The following TBC1D5 variants were observed in gnomAD, a reference collection of about 807,000 sequenced individuals.
The protein encoded by TBC1D5 is TBC1 domain family member 5.
Under a neutral mutation model 100.3 loss-of-function variants are expected in TBC1D5, and 75 were observed. That is an observed-to-expected ratio of 0.75 (90% CI 0.62 to 0.91). TBC1D5 has a LOEUF of 0.91. Among genes scored for constraint, TBC1D5 ranks in the 40% least tolerant of loss-of-function variants. The probability of loss-of-function intolerance (pLI) is 0.00; values close to 1 mark genes in which losing one functional copy is unlikely to be tolerated. For missense variants in TBC1D5, 910 were observed against 942.4 expected, an observed-to-expected ratio of 0.97 and a Z score of 0.45; for synonymous variants, 323 against 325.6, an observed-to-expected ratio of 0.99 and a Z score of 0.09.
intron 15 of TBC1D5, among the ~76,000 whole-genome samples, chr3:17,267,463 C>G (rs2078970460): frequency 6.6e-6 from 1 of 151,812 alleles, no homozygotes; most frequent in Non-Finnish European, 1.5e-5. Context: ...AAGAGCGGTT[C>G]CCAATCTTTG....
rs190754859 is a variant in TBC1D5 at position 17,592,346 on chromosome 3, G to A, written c.-36+31503C>T. ...TAGCAAACACACTGGACTTATTGGT[G>A]AGACATTTGCGTGTCAGAGGATGGG... On this transcript the variant is annotated intron_variant, in intron 2 of 21. Transcript: ENST00000253692. Among the ~76,000 whole-genome samples, 420 of 152,318 alleles carry A rather than the reference G, an allele frequency of 2.8e-3. 5 individuals are homozygous for A. Among genetic ancestry groups the A allele is most frequent in the East Asian group, 6.2e-3 (32 of 5,186 alleles).
chr3:17,496,866 C>G (rs2150698102), intron 3 of TBC1D5, among the ~76,000 whole-genome samples: 1 of 152,214 alleles, frequency 6.6e-6, no homozygotes, highest in East Asian at 1.9e-4. Context: ...AATTCTGAGT[C>G]TTTAGATATA....
intron 2 of TBC1D5, among the ~76,000 whole-genome samples, chr3:17,539,125 G>T (rs1250080533): frequency 6.6e-6 from 1 of 152,160 alleles, no homozygotes; most frequent in African/African-American, 2.4e-5. Flanking sequence ...GGCAGAGGCT[G>T]CAATAAGCCA....
Position 17,702,643 on chromosome 3 carries a change from A to G in TBC1D5, c.-101+36700T>C, listed in dbSNP as rs144615950. Among the ~76,000 whole-genome samples, 206 of 152,102 alleles carry G rather than the reference A, an allele frequency of 1.4e-3. 1 individual carries two copies. The highest frequency in any genetic ancestry group is 4.8e-3 in the African/African-American group (199 of 41,370). On this transcript the variant is annotated intron_variant, in intron 1 of 21. Transcript: ENST00000253692. Reference sequence around the variant, plus strand: ...ATCATTAGGCATACATAGTAGATAAACTAAACGAAATGATGCATTAACTTA... The same window carrying G: ...ATCATTAGGCATACATAGTAGATAAGCTAAACGAAATGATGCATTAACTTA...
At chr3:17,248,023 G>A (rs910993073) in intron 16 of TBC1D5, among the ~76,000 whole-genome samples, 13 of 144,658 alleles carry the variant, frequency 9.0e-5, no homozygotes, top group Non-Finnish European at 1.9e-4. Context: ...ACAGAGTCTC[G>A]CTCTGTCACC....
intron 3 of TBC1D5, among the ~76,000 whole-genome samples, chr3:17,477,004 T>C (rs969237944): frequency 1.3e-5 from 2 of 151,960 alleles, no homozygotes; most frequent in African/African-American, 4.8e-5. Context: ...GAGAAAACTT[T>C]TAACATTTTA....
intron 3 of TBC1D5, among the ~76,000 whole-genome samples, chr3:17,475,051 T>C (rs527604650): frequency 6.6e-6 from 1 of 152,306 alleles, no homozygotes; most frequent in Admixed American, 6.5e-5. Context: ...TGCTAGTTTA[T>C]GTCCTTTGGT....
intron 2 of TBC1D5, among the ~76,000 whole-genome samples, chr3:17,607,476 A>G (rs927439318): frequency 4.0e-5 from 6 of 150,694 alleles, no homozygotes; most frequent in Admixed American, 6.7e-5. Flanking sequence ...TATAAATGTT[A>G]TTTTCTTTTT....
intron 17 of TBC1D5, among the ~76,000 whole-genome samples, chr3:17,232,772 C>G (rs1054114801): frequency 1.4e-4 from 22 of 151,992 alleles, no homozygotes; most frequent in Non-Finnish European, 2.9e-5. Context: ...GTTCCACCCC[C>G]CCTAAAAAAA....
Position 17,681,102 on chromosome 3 carries a change from GAGCCCAC to G in TBC1D5, c.-100-57196_-100-57190del, listed in dbSNP as rs138653108. The stretch of plus-strand genomic sequence containing the variant: ...CATAATTATAAAGAAGCTACTCTGA[GAGCCCAC>G]ACATAAGACATAGTATTACTCTTAG... On this transcript the variant is annotated intron_variant, in intron 1 of 21. Coordinates refer to ENST00000253692, the Ensembl canonical transcript of TBC1D5. Among the ~76,000 whole-genome samples, 3 of 151,558 alleles carry G rather than the reference GAGCCCAC, an allele frequency of 2.0e-5. No individual in the cohort carries two copies. In the East Asian group the frequency reaches 5.8e-4, roughly 29 times the overall value.
At chr3:17,718,860 AGAT>A (rs1467360053) in intron 1 of TBC1D5, among the ~76,000 whole-genome samples, 1 of 152,182 alleles carries the variant, frequency 6.6e-6, no homozygotes, top group Non-Finnish European at 1.5e-5. Flanking sequence ...CCCTATAGAC[AGAT>A]GACCCAGACT....
At chr3:17,283,152 T>C (rs1030876547) in intron 15 of TBC1D5, among the ~76,000 whole-genome samples, 8 of 152,268 alleles carry the variant, frequency 5.3e-5, no homozygotes, top group Admixed American at 3.9e-4. Context: ...TAAGTCTGAA[T>C]TGATTATTCT....
In TBC1D5 at chr3:17,186,105, T is replaced by G. The variant is rs529649726; in HGVS notation, c.1753-897A>C. Among the ~76,000 whole-genome samples, 22 of 151,506 alleles carry G rather than the reference T, an allele frequency of 1.5e-4. No homozygotes were observed. In the South Asian group the frequency reaches 4.6e-3, roughly 32 times the overall value. ...ATACTCTAAACAAAGCTAGCTAGGA[T>G]ACCAAGAAAGGATACTGCCAGGGCT... On this transcript the variant is annotated intron_variant, in intron 18 of 21. Coordinates refer to ENST00000253692, the Ensembl canonical transcript of TBC1D5.
At chr3:17,673,485 A>ATT (rs1195624471) in intron 1 of TBC1D5, among the ~76,000 whole-genome samples, 8 of 109,202 alleles carry the variant, frequency 7.3e-5, no homozygotes, top group Non-Finnish European at 1.4e-4. Context: ...TAATGTTTGT[A>ATT]TTTTTTTTTT....
intron 3 of TBC1D5, among the ~76,000 whole-genome samples, chr3:17,462,816 C>G (rs922058304): frequency 3.3e-5 from 5 of 152,158 alleles, no homozygotes; most frequent in African/African-American, 1.2e-4. Flanking sequence ...TCCTATGGAT[C>G]TTCCTGGCAT....
At chr3:17,633,292 GC>G (rs1161874947) in intron 1 of TBC1D5, among the ~76,000 whole-genome samples, 37 of 152,152 alleles carry the variant, frequency 2.4e-4, no homozygotes, top group African/African-American at 8.2e-4. Flanking sequence ...ACAAAAATTA[GC>G]CAGGTGTGGT....
At chr3:17,587,086 T>C (rs2096737605) in intron 2 of TBC1D5, among the ~76,000 whole-genome samples, 1 of 152,044 alleles carries the variant, frequency 6.6e-6, no homozygotes, top group African/African-American at 2.4e-5. Context: ...GAATATTATA[T>C]TTAGGTGTTA....
At chr3:17,322,801 C>T (rs1459929566) in intron 13 of TBC1D5, among the ~76,000 whole-genome samples, 1 of 152,134 alleles carries the variant, frequency 6.6e-6, no homozygotes, top group East Asian at 1.9e-4. Flanking sequence ...AAACGAACTA[C>T]TACACAGCAG....
At chr3:17,697,056 A>G (rs1205364487) in intron 1 of TBC1D5, among the ~76,000 whole-genome samples, 1 of 152,208 alleles carries the variant, frequency 6.6e-6, no homozygotes, top group Non-Finnish European at 1.5e-5. Flanking sequence ...ATTCAACAGT[A>G]TTTCATGCTA....
Sources: gnomAD v4.1 joint callset for allele counts (sites outside exome capture counted in the v4.1 genomes callset) on GRCh38, gnomAD v4.1.1 for gene constraint, MANE v1.5 for transcripts, NCBI Gene and HGNC (gene_info 2026-07-23, HGNC 2026-07-21) for gene names.